The following SCN11A variants were observed in gnomAD, a reference collection of about 807,000 sequenced individuals.
SCN11A encodes the protein sodium channel protein type 11 subunit alpha.
Under a neutral mutation model 162.2 loss-of-function variants are expected in SCN11A, and 122 were observed. The observed-to-expected ratio is 0.75, with a 90% CI of 0.65 to 0.87. The LOEUF (loss-of-function observed/expected upper bound fraction) is 0.87, where lower values mean the gene tolerates loss of function less well. Among genes scored for constraint, SCN11A ranks in the 40% least tolerant of loss-of-function variants. The pLI, the probability that SCN11A is intolerant of heterozygous loss-of-function variation, is 0.00. For synonymous variants in SCN11A, 758 were observed against 751.5 expected (o/e 1.01, Z -0.14); for missense variants, 2,015 against 2,181.6 (o/e 0.92, Z 1.52).
At chr3:39,050,256 T>A (rs1331120025) in intron 1 of SCN11A, among the ~76,000 whole-genome samples, 1 of 152,128 alleles carries the variant, frequency 6.6e-6, no homozygotes, top group African/African-American at 2.4e-5. Flanking sequence ...CTCAGACTGT[T>A]CCCTCTCCTT....
chr3:38,938,166 T>C (rs1485623433), intron 7 of SCN11A, among the ~76,000 whole-genome samples: 1 of 151,334 alleles, frequency 6.6e-6, no homozygotes, highest in East Asian at 1.9e-4. Flanking sequence ...CACTCATAGG[T>C]GGGAATTGAA....
At chr3:39,046,180 A>C (rs989412231) in intron 1 of SCN11A, among the ~76,000 whole-genome samples, 3 of 152,008 alleles carry the variant, frequency 2.0e-5, no homozygotes, top group Non-Finnish European at 4.4e-5. Context: ...GAATCACTTG[A>C]ATCTGGGAGG....
intron 2 of SCN11A, among the ~76,000 whole-genome samples, chr3:38,980,819 C>G (rs2030011579): frequency 6.6e-6 from 1 of 152,200 alleles, no homozygotes; most frequent in Non-Finnish European, 1.5e-5. Context: ...TTTTCCCCAA[C>G]ATCATGCTAC....
intron 2 of SCN11A, among the ~76,000 whole-genome samples, chr3:39,020,694 C>T (rs751756415): frequency 4.5e-4 from 68 of 152,160 alleles, no homozygotes; most frequent in Non-Finnish European, 7.8e-4. Context: ...TTTCCTCTTC[C>T]TGTCTCACAG....
At chr3:38,922,677 A>AAGGAGG (rs201233819) in intron 9 of SCN11A, among the ~76,000 whole-genome samples, 5 of 151,820 alleles carry the variant, frequency 3.3e-5, no homozygotes, top group African/African-American at 9.7e-5. Flanking sequence ...GAAGAAGGAG[A>AAGGAGG]AGGAGGAGGA....
intron 7 of SCN11A, among the ~76,000 whole-genome samples, chr3:38,939,987 A>C (rs1230500609): frequency 2.0e-5 from 3 of 151,482 alleles, no homozygotes; most frequent in Non-Finnish European, 4.4e-5. Context: ...CTGACAACAA[A>C]TTTTATCAAA....
chr3:39,012,231 A>G (rs537551957), intron 2 of SCN11A, among the ~76,000 whole-genome samples: 7 of 152,188 alleles, frequency 4.6e-5, no homozygotes, highest in African/African-American at 1.7e-4. Context: ...AGGCTGAGGC[A>G]GGAGAATCGC....
At chr3:38,954,284 T>A (rs187682211) in intron 3 of SCN11A, among the ~76,000 whole-genome samples, 115 of 152,344 alleles carry the variant, frequency 7.5e-4, no homozygotes, top group African/African-American at 2.6e-3. Flanking sequence ...CTCTGCTGCA[T>A]TTGACTCTAG....
At chr3:39,014,975 G>A (rs1040769465) in intron 2 of SCN11A, among the ~76,000 whole-genome samples, 1 of 152,212 alleles carries the variant, frequency 6.6e-6, no homozygotes, top group African/African-American at 2.4e-5. Flanking sequence ...CTTGGTGTGG[G>A]AAAGTCCATG....
At chr3:38,936,700 C>T (rs908921441) in intron 7 of SCN11A, among the ~76,000 whole-genome samples, 174 of 151,588 alleles carry the variant, frequency 1.1e-3, no homozygotes, top group African/African-American at 3.8e-3. Flanking sequence ...AACTACAAAC[C>T]GCTGCTCAAT....
Position 38,850,645 on chromosome 3 carries a change from T to G in SCN11A, c.4163A>C (p.Tyr1388Ser), listed in dbSNP as rs1380483874. The G allele has an allele frequency of 6.2e-7, 1 of 1,613,890 alleles. No homozygotes were observed. The highest frequency in any genetic ancestry group is 8.5e-7 in the Non-Finnish European group (1 of 1,179,880). The stretch of plus-strand genomic sequence containing the variant: ...GGATTTCATGGCTTTGGGTTGGTTG[T>G]ATGATTCAGCCATCATGCTAATCAT... ...LNMISMMAESYNQPKAMKSIL... is the reference protein window; with the variant it reads ...LNMISMMAESSNQPKAMKSIL... The change falls in exon 29 of 30, where the codon TAC becomes TCC. Residue 1388 changes from tyrosine (Y) to serine (S), a missense_variant. Transcript: ENST00000302328.
chr3:38,971,385 C>T (rs760972312), intron 2 of SCN11A, among the ~76,000 whole-genome samples: 5 of 152,134 alleles, frequency 3.3e-5, no homozygotes, highest in Admixed American at 6.5e-5. Context: ...GAAAGAGGCT[C>T]ACAGGCCAGG....
chr3:38,981,237 CA>C (rs2030024697), intron 2 of SCN11A, among the ~76,000 whole-genome samples: 1 of 152,210 alleles, frequency 6.6e-6, no homozygotes, highest in Admixed American at 6.5e-5. Context: ...ACATGTTTAA[CA>C]AGCCTTCTCT....
At chr3:38,997,145 G>A (rs1012763238) in intron 2 of SCN11A, among the ~76,000 whole-genome samples, 6 of 152,170 alleles carry the variant, frequency 3.9e-5, no homozygotes, top group South Asian at 2.1e-4. Context: ...ATGGTTCTCC[G>A]TTTCTCTCAA....
intron 29 of SCN11A, 144 bp from the exon 30 acceptor site, chr3:38,847,886 C>A (rs1235473435): frequency 1.5e-5 from 9 of 584,120 alleles, no homozygotes; most frequent in Non-Finnish European, 2.7e-5. Flanking sequence ...TTTCTTTTAC[C>A]ACTATCAGGG....
intron 2 of SCN11A, among the ~76,000 whole-genome samples, chr3:39,019,000 A>G (rs2031372697): frequency 6.6e-6 from 1 of 152,144 alleles, no homozygotes; most frequent in Non-Finnish European, 1.5e-5. Flanking sequence ...AATATAGTTC[A>G]TAATTTACAT....
chr3:39,004,069 G>A (rs963051539), intron 2 of SCN11A, among the ~76,000 whole-genome samples: 3 of 152,086 alleles, frequency 2.0e-5, no homozygotes, highest in African/African-American at 7.2e-5. Flanking sequence ...AATTGCTTTT[G>A]GTGTCTTTGT....
In SCN11A at chr3:38,950,100, T is replaced by C; in HGVS notation, c.263A>G (p.His88Arg). The C allele has an allele frequency of 1.2e-6, 1 of 830,592 alleles. No individual in the cohort carries two copies. Among genetic ancestry groups the C allele is most frequent in the Non-Finnish European group, 1.7e-6 (1 of 591,642 alleles). 51.5% of individuals were successfully genotyped at this position (830,592 alleles called of 1,614,324 possible). The stretch of plus-strand genomic sequence containing the variant: ...CCCCCCCGCCCAATGAAGTACCTTA[T>C]GATTTCGGTAGAATGGGTCCAAGTC... The part of the protein sequence containing the change: ...LEDLDPFYRN[H>R]KTFMVLNRKR... The change falls in exon 5 of 30, where the codon CAT becomes CGT. Residue 88 changes from histidine to arginine, a missense_variant. Coordinates refer to ENST00000302328, the MANE Select transcript of SCN11A (RefSeq NM_001349253.2).
rs148645089 is a variant in SCN11A, at chr3:38,848,747, C to T, written c.4328-1005G>A. On this transcript the variant is annotated intron_variant, in intron 29 of 29. Transcript: ENST00000302328. ...CTCTGAGCTCATTTCTGCTTTGCAC[C>T]ATGTGATTTGGTGTTCAATTAATTT... Among the ~76,000 whole-genome samples the T allele has an allele frequency of 3.3e-5, 5 of 152,254 alleles. No homozygotes were observed. In the East Asian group the frequency reaches 9.6e-4, roughly 29 times the overall value.
Sources: gnomAD v4.1 joint callset for allele counts (sites outside exome capture counted in the v4.1 genomes callset) on GRCh38, gnomAD v4.1.1 for gene constraint, MANE v1.5 for transcripts, NCBI Gene and HGNC (gene_info 2026-07-23, HGNC 2026-07-21) for gene names.